SWAP70: variants seen among roughly 807,000 people sequenced by gnomAD.
SWAP70 encodes the protein switch-associated protein 70.
In SWAP70, 34 loss-of-function variants were observed where a neutral mutation model predicts 80.2. The observed-to-expected ratio is 0.42, with a 90% confidence interval of 0.32 to 0.56. The LOEUF (loss-of-function observed/expected upper bound fraction) is 0.56, where lower values mean the gene tolerates loss of function less well. SWAP70 is among the 20% of genes least tolerant of loss of function. The probability of loss-of-function intolerance (pLI) is 0.09; values close to 1 mark genes in which losing one functional copy is unlikely to be tolerated. For missense variants in SWAP70, 578 were observed against 690.7 expected (o/e 0.84, Z 1.83); for synonymous variants, 239 against 238.5 (o/e 1.00, Z -0.02).
At chr11:9,745,599 C>G (rs1460502116) in intron 9 of SWAP70, among the ~76,000 whole-genome samples, 1 of 152,174 alleles carries the variant, frequency 6.6e-6, no homozygotes, top group African/African-American at 2.4e-5. Context: ...TGTGAAGTGT[C>G]CAGAGCAAAT....
chr11:9,701,193 A>G (rs1850826346), intron 2 of SWAP70, among the ~76,000 whole-genome samples: 2 of 148,630 alleles, frequency 1.3e-5, no homozygotes, highest in Non-Finnish European at 3.0e-5. Context: ...TTTTTTTGAG[A>G]CAAGTCTTAC....
intron 1 of SWAP70, among the ~76,000 whole-genome samples, chr11:9,685,668 C>G (rs1297441902): frequency 6.6e-6 from 1 of 151,748 alleles, no homozygotes; most frequent in Non-Finnish European, 1.5e-5. Flanking sequence ...TTGTCTTGCT[C>G]TGTCACCCAG....
chr11:9,709,918 C>G, intron 2 of SWAP70, among the ~76,000 whole-genome samples: 1 of 152,100 alleles, frequency 6.6e-6, no homozygotes, highest in Non-Finnish European at 1.5e-5. Flanking sequence ...TGCAGTTATT[C>G]TTATGATAAA....
intron 7 of SWAP70, among the ~76,000 whole-genome samples, chr11:9,737,511 A>G (rs1851378271): frequency 6.6e-6 from 1 of 152,164 alleles, no homozygotes; most frequent in Non-Finnish European, 1.5e-5. Flanking sequence ...TCCTTATGCC[A>G]CCCTTCTAGA....
intron 1 of SWAP70, among the ~76,000 whole-genome samples, chr11:9,683,752 G>T (rs772487576): frequency 3.9e-5 from 6 of 152,140 alleles, no homozygotes; most frequent in East Asian, 1.9e-4. Context: ...CTACCACCCC[G>T]CTCTGTCACT....
chr11:9,665,518 T>TA (rs1231504147), intron 1 of SWAP70, among the ~76,000 whole-genome samples: 1 of 152,236 alleles, frequency 6.6e-6, no homozygotes, highest in African/African-American at 2.4e-5. Flanking sequence ...TCCATCATCC[T>TA]AAAAAACTCC....
At chr11:9,706,945 T>A (rs367998925) in intron 2 of SWAP70, among the ~76,000 whole-genome samples, 1 of 151,892 alleles carries the variant, frequency 6.6e-6, no homozygotes, top group African/African-American at 2.4e-5. Context: ...GAAGGAAGCA[T>A]TTTTTTTCTT....
At chr11:9,704,915 T>A (rs1047086078) in intron 2 of SWAP70, among the ~76,000 whole-genome samples, 7 of 152,226 alleles carry the variant, frequency 4.6e-5, no homozygotes, top group Non-Finnish European at 8.8e-5. Context: ...TGAGCTGCAG[T>A]TCAGCTCAAA....
Position 9,747,935 on chromosome 11 carries a change from C to G in SWAP70, c.1433C>G (p.Thr478Ser), listed in dbSNP as rs960064307. Residue 478 changes from threonine (T) to serine (S), a missense_variant, in exon 10 of 12, where the codon ACC becomes AGC. Transcript: ENST00000318950. Reference protein sequence around the residue: ...HLEQQQAIQTTEAEKQELENQ... With the variant: ...HLEQQQAIQTSEAEKQELENQ... ...GAGCAGCAGCAGGCCATTCAGACAACCGAGGCGGAGAAGCAGGAGTTGGAG... is the reference window on the plus strand; with the variant it reads ...GAGCAGCAGCAGGCCATTCAGACAAGCGAGGCGGAGAAGCAGGAGTTGGAG... The G allele has an allele frequency of 3.7e-6, 6 of 1,614,022 alleles. No individual in the cohort carries two copies. Among genetic ancestry groups the G allele is most frequent in the Admixed American group, 1.7e-5 (1 of 59,984 alleles).
chr11:9,693,338 A>G (rs1042772524), intron 1 of SWAP70, among the ~76,000 whole-genome samples: 5 of 152,226 alleles, frequency 3.3e-5, no homozygotes, highest in African/African-American at 1.2e-4. Flanking sequence ...CACACTGCTC[A>G]TTTAACTACT....
chr11:9,745,472 C>T (rs1851500590), intron 9 of SWAP70, among the ~76,000 whole-genome samples: 1 of 152,196 alleles, frequency 6.6e-6, no homozygotes, highest in South Asian at 2.1e-4. Context: ...ATCAAAAGAA[C>T]AAGTACAGGA....
chr11:9,668,532 G>T (rs1279207141), intron 1 of SWAP70, among the ~76,000 whole-genome samples: 2 of 152,192 alleles, frequency 1.3e-5, no homozygotes, highest in Non-Finnish European at 2.9e-5. Flanking sequence ...TCTGTGTTCT[G>T]TTGGCTGGGA....
chr11:9,698,093 GTTTTTTGTTTTT>G (rs1338128686), intron 2 of SWAP70, among the ~76,000 whole-genome samples: 1 of 109,584 alleles, frequency 9.1e-6, no homozygotes, highest in Admixed American at 1.1e-4. Flanking sequence ...GCCAATACAT[GTTTTTTGTTTTT>G]TTTTTTTTTT....
At chr11:9,733,245 T>G (rs1851323022) in intron 7 of SWAP70, among the ~76,000 whole-genome samples, 1 of 152,196 alleles carries the variant, frequency 6.6e-6, no homozygotes, top group South Asian at 2.1e-4. Flanking sequence ...GAACACTTCC[T>G]CGGTTATGTC....
intron 1 of SWAP70, among the ~76,000 whole-genome samples, chr11:9,672,737 C>A (rs952353659): frequency 6.6e-6 from 1 of 151,788 alleles, no homozygotes; most frequent in Non-Finnish European, 1.5e-5. Context: ...TGAGTCATTG[C>A]TATAATTAGT....
rs34845195 is a variant in SWAP70 at position 9,719,497 on chromosome 11, G to A, written c.415-5161G>A. 2.4e-3 allele frequency among the ~76,000 whole-genome samples: 369 copies of A among 152,020 alleles called. 1 individual carries two copies. The highest frequency in any genetic ancestry group is 4.6e-3 in the Non-Finnish European group (315 of 67,976). On this transcript the variant is annotated intron_variant, in intron 3 of 11. Transcript: ENST00000318950. Reference sequence around the variant, plus strand: ...CAGGAGGTGGAGGTTGCAGTGAGCCGAGATCGTGCCACTGGGCAACAAAGC... The same window carrying A: ...CAGGAGGTGGAGGTTGCAGTGAGCCAAGATCGTGCCACTGGGCAACAAAGC...
intron 7 of SWAP70, among the ~76,000 whole-genome samples, chr11:9,735,431 TC>T (rs1340925391): frequency 4.6e-5 from 7 of 152,222 alleles, no homozygotes; most frequent in Admixed American, 4.6e-4. Flanking sequence ...GTTGTGTTAA[TC>T]TTTTGTTTTA....
intron 1 of SWAP70, among the ~76,000 whole-genome samples, chr11:9,672,165 TTAAA>T (rs1850422676): frequency 9.9e-6 from 1 of 101,382 alleles, no homozygotes; most frequent in Non-Finnish European, 2.0e-5. Flanking sequence ...AATAATATAT[TTAAA>T]TATATATATA....
At chr11:9,671,591 T>TAA (rs1850395779) in intron 1 of SWAP70, among the ~76,000 whole-genome samples, 1 of 33,782 alleles carries the variant, frequency 3.0e-5, no homozygotes, top group Admixed American at 5.0e-4. Flanking sequence ...TATTTCTATA[T>TAA]ATAAATATAT....
Sources: allele counts gnomAD v4.1 joint callset (sites outside exome capture counted in the v4.1 genomes callset), GRCh38; gene constraint gnomAD v4.1.1; transcripts MANE v1.5; gene names NCBI Gene and HGNC (gene_info 2026-07-23, HGNC 2026-07-21).